Variants in GABBR2 observed in about 807,000 individuals in gnomAD.
GABBR2 encodes the protein G-protein coupled receptor 51.
A neutral mutation model predicts 105.6 loss-of-function variants in GABBR2; 23 were observed. The ratio of observed to expected loss-of-function variants is 0.22; its 90% CI spans 0.16 to 0.31. The LOEUF (loss-of-function observed/expected upper bound fraction) is 0.31. Ranked by LOEUF, GABBR2 falls within the 10% of genes least tolerant of loss-of-function variation. The probability of loss-of-function intolerance (pLI) is 1.00; values close to 1 mark genes in which losing one functional copy is unlikely to be tolerated. For synonymous variants in GABBR2, 478 were observed against 499.7 expected, an observed-to-expected ratio of 0.96 and a Z score of 0.58; for missense variants, 734 against 1,245.5, an observed-to-expected ratio of 0.59 and a Z score of 6.18.
At chr9:98,705,486 G>A (rs1265142895) in intron 1 of GABBR2, among the ~76,000 whole-genome samples, 1 of 152,154 alleles carries the variant, frequency 6.6e-6, no homozygotes, top group African/African-American at 2.4e-5. Context: ...GGCCATTGAG[G>A]CCACTGATTG....
chr9:98,666,342 C>A (rs1424452521), intron 1 of GABBR2, among the ~76,000 whole-genome samples: 4 of 152,206 alleles, frequency 2.6e-5, no homozygotes. Flanking sequence ...GTCGGAATGG[C>A]TCCACTCAGG....
At chr9:98,433,084 T>C (rs549815733) in intron 7 of GABBR2, among the ~76,000 whole-genome samples, 95 of 152,336 alleles carry the variant, frequency 6.2e-4, no homozygotes, top group Non-Finnish European at 1.2e-3. Context: ...TCATTAAACA[T>C]GAATTACTGA....
intron 3 of GABBR2, among the ~76,000 whole-genome samples, chr9:98,533,251 G>T (rs183649182): frequency 1.3e-5 from 2 of 152,276 alleles, no homozygotes; most frequent in Admixed American, 6.5e-5. Flanking sequence ...AGACACTCCT[G>T]CAGGGGAGGA....
rs543789266 is a variant in GABBR2 at position 98,289,179 on chromosome 9, G to C, written c.*1405C>G. On this transcript the variant is annotated 3_prime_UTR_variant, in exon 19 of 19. Coordinates refer to ENST00000259455, the MANE Select transcript of GABBR2 (RefSeq NM_005458.8). ...GGTCAGAGTCATACTCATACCTCAC[G>C]GATCAGGGCGGCTTCACTGTTTGGT... 1 of 152,502 alleles carries C rather than the reference G, an allele frequency of 6.6e-6. No individual in the cohort carries two copies. Among genetic ancestry groups the C allele is most frequent in the African/African-American group, 2.4e-5 (1 of 41,422 alleles). 9.4% of individuals were successfully genotyped at this position (152,502 alleles called of 1,614,324 possible).
At chr9:98,344,866 A>G (rs1420530079) in intron 13 of GABBR2, among the ~76,000 whole-genome samples, 1 of 152,138 alleles carries the variant, frequency 6.6e-6, no homozygotes, top group East Asian at 1.9e-4. Context: ...CCGACTGGAC[A>G]AACTACTCTT....
rs71369559 is a variant in GABBR2 at position 98,393,029 on chromosome 9, CCCATCCAT to C, written c.1378+1138_1378+1145del. Among the ~76,000 whole-genome samples, 67 of 123,134 alleles carry C rather than the reference CCCATCCAT, an allele frequency of 5.4e-4. 1 individual carries two copies. Among genetic ancestry groups the C allele is most frequent in the East Asian group, 3.3e-3 (13 of 3,982 alleles). The allele number at this position is 123,134 out of a possible 152,430, so 80.8% of individuals were successfully genotyped here. ...ATTCACACACCCATCCATGCATCCA[CCCATCCAT>C]CCATCCATCCATCCATCCATCCATC... On this transcript the variant is annotated intron_variant, in intron 9 of 18. Coordinates refer to ENST00000259455, the MANE Select transcript of GABBR2 (RefSeq NM_005458.8).
chr9:98,632,191 C>T (rs569645227), intron 1 of GABBR2, among the ~76,000 whole-genome samples: 1 of 152,284 alleles, frequency 6.6e-6, no homozygotes, highest in African/African-American at 2.4e-5. Context: ...AGAAGTATGT[C>T]CTAGTGGAAG....
chr9:98,705,979 G>A (rs1348331341), intron 1 of GABBR2, among the ~76,000 whole-genome samples: 3 of 152,146 alleles, frequency 2.0e-5, no homozygotes, highest in Non-Finnish European at 4.4e-5. Context: ...GGGAGGCTGA[G>A]GCAGGAGAAT....
chr9:98,656,846 A>C lies in GABBR2; in HGVS notation c.321+51571T>G, dbSNP rs182613849. Reference sequence around the variant, plus strand: ...TTATGGAAACAAAAAACATGGGGGAAGTCCAGACAAGAAGGGGTCAGCAGC... The same window carrying C: ...TTATGGAAACAAAAAACATGGGGGACGTCCAGACAAGAAGGGGTCAGCAGC... On this transcript the variant is annotated intron_variant, in intron 1 of 18. Transcript: ENST00000259455. Among the ~76,000 whole-genome samples the C allele has an allele frequency of 5.3e-5, 8 of 152,324 alleles. No homozygotes were observed. In the East Asian group the frequency reaches 1.5e-3, roughly 29 times the overall value.
chr9:98,309,555 A>C (rs969590028), intron 14 of GABBR2, among the ~76,000 whole-genome samples: 1 of 152,194 alleles, frequency 6.6e-6, no homozygotes, highest in Non-Finnish European at 1.5e-5. Context: ...TTACATGGAG[A>C]TGGAGTCTGC....
intron 13 of GABBR2, among the ~76,000 whole-genome samples, chr9:98,315,052 C>G (rs1393425440): frequency 2.6e-5 from 4 of 152,216 alleles, no homozygotes. Flanking sequence ...GTCTTTCCCC[C>G]TGTGCTGCTG....
intron 1 of GABBR2, among the ~76,000 whole-genome samples, chr9:98,580,875 TTTCTCTCCA>T (rs1828992026): frequency 6.6e-6 from 1 of 152,186 alleles, no homozygotes; most frequent in East Asian, 1.9e-4. Context: ...TATTTTTGTC[TTTCTCTCCA>T]TTCTGTGTCC....
chr9:98,457,742 C>T (rs535286271), intron 6 of GABBR2, among the ~76,000 whole-genome samples: 1 of 152,288 alleles, frequency 6.6e-6, no homozygotes, highest in Admixed American at 6.5e-5. Context: ...CACATGATAT[C>T]CCAGGCCATT....
chr9:98,413,134 T>C (rs1379721181), intron 7 of GABBR2, among the ~76,000 whole-genome samples: 1 of 152,162 alleles, frequency 6.6e-6, no homozygotes, highest in African/African-American at 2.4e-5. Context: ...ACAAAGACCA[T>C]GGGGGACCCT....
intron 7 of GABBR2, among the ~76,000 whole-genome samples, chr9:98,418,308 T>C (rs1832723508): frequency 6.6e-6 from 1 of 151,878 alleles, no homozygotes; most frequent in African/African-American, 2.4e-5. Flanking sequence ...GGAGGCCAAG[T>C]GGGAGATTGC....
chr9:98,363,750 T>C (rs1831628705), intron 12 of GABBR2, among the ~76,000 whole-genome samples: 1 of 152,164 alleles, frequency 6.6e-6, no homozygotes, highest in Admixed American at 6.5e-5. Context: ...ATAACTCCCA[T>C]TCCTCTTTGC....
intron 5 of GABBR2, among the ~76,000 whole-genome samples, chr9:98,475,132 C>T (rs757975208): frequency 6.6e-6 from 1 of 152,156 alleles, no homozygotes; most frequent in Non-Finnish European, 1.5e-5. Flanking sequence ...AGGACCTTCG[C>T]TTCCCTCATT....
intron 12 of GABBR2, among the ~76,000 whole-genome samples, chr9:98,368,480 C>T (rs1325435479): frequency 1.3e-5 from 2 of 152,094 alleles, no homozygotes; most frequent in African/African-American, 4.8e-5. Flanking sequence ...CTAGCTCAGG[C>T]AGTGCAGGAG....
In GABBR2 at chr9:98,480,966, A is replaced by T; in HGVS notation, c.764T>A (p.Phe255Tyr). 6.2e-7 allele frequency: 1 copy of T among 1,607,810 alleles called. No homozygotes were observed. Among genetic ancestry groups the T allele is most frequent in the Non-Finnish European group, 8.5e-7 (1 of 1,174,226 alleles). Residue 255 changes from phenylalanine (F) to tyrosine (Y), a missense_variant, in exon 5 of 19, where the codon TTT becomes TAT. Phe to Tyr is a conservative substitution (Grantham distance 22). This residue lies in a region of GABBR2 where 370 missense variants were observed against 648.9 expected (regional missense o/e 0.57). Transcript: ENST00000259455. ...GNDVRIILGQ[F>Y]DQNMAAKVFC... Reference sequence around the variant, plus strand: ...CACTTTTGCTGCCATATTCTGGTCAAACTGGCCAAGGATGATCCGCACATC... The same window carrying T: ...CACTTTTGCTGCCATATTCTGGTCATACTGGCCAAGGATGATCCGCACATC...
Sources: gnomAD v4.1 joint callset for allele counts (sites outside exome capture counted in the v4.1 genomes callset) on GRCh38, gnomAD v4.1.1 for gene constraint, gnomAD v4.1.1 regional missense constraint, MANE v1.5 for transcripts, NCBI Gene and HGNC (gene_info 2026-07-23, HGNC 2026-07-21) for gene names.